TENM3: variants seen among roughly 807,000 people sequenced by gnomAD.
TENM3 encodes teneurin transmembrane protein 3, also known as teneurin-3.
A neutral mutation model predicts 255.1 loss-of-function variants in TENM3; 63 were observed. That is an observed-to-expected ratio of 0.25 (90% CI 0.20 to 0.30). The LOEUF (loss-of-function observed/expected upper bound fraction) is 0.30. Among genes scored for constraint, TENM3 ranks in the 10% least tolerant of loss-of-function variants. TENM3 has a pLI of 1.00. For synonymous variants in TENM3, 1,306 were observed against 1,322.3 expected (o/e 0.99, Z 0.27); for missense variants, 2,929 against 3,461.1 (o/e 0.85, Z 3.86).
chr4:181,668,759 A>T, the TENM3 span, among the ~76,000 whole-genome samples: 15 of 152,180 alleles, frequency 9.9e-5, no homozygotes, highest in Non-Finnish European at 2.1e-4. Context: ...GGAGTAACAC[A>T]ATCCAACCCA....
chr4:182,715,010 G>A (rs1200274027), intron 13 of TENM3, among the ~76,000 whole-genome samples: 1 of 152,066 alleles, frequency 6.6e-6, no homozygotes, highest in African/African-American at 2.4e-5. Flanking sequence ...TCAGCCTCCC[G>A]AGTAGCTGGG....
At chr4:182,228,382 G>GCATATATATA (rs1756333556) in intron 1 of TENM3, among the ~76,000 whole-genome samples, 1 of 94,434 alleles carries the variant, frequency 1.1e-5, no homozygotes, top group African/African-American at 4.4e-5. Flanking sequence ...GTGTGTGTGT[G>GCATATATATA]TGTGTGTGTG....
rs528915238 is a variant in TENM3 at position 182,669,383 on chromosome 4, C to A, written c.1112-3622C>A. On this transcript the variant is annotated intron_variant, in intron 6 of 27. Coordinates refer to ENST00000511685, the MANE Select transcript of TENM3 (RefSeq NM_001080477.4). ...CTCCCAGGTTCACGCCATTCTCCTG[C>A]CTCAGCCTCCCGAGTAGCTGGGACT... Among the ~76,000 whole-genome samples, 5 of 152,204 alleles carry A rather than the reference C, an allele frequency of 3.3e-5. No homozygotes were observed. In the East Asian group the frequency reaches 9.7e-4, roughly 30 times the overall value.
At chr4:182,130,683 G>A in the TENM3 span, among the ~76,000 whole-genome samples, 1 of 134,516 alleles carries the variant, frequency 7.4e-6, no homozygotes, top group African/African-American at 2.6e-5. Context: ...TCCTGATCCT[G>A]TATGCCGTTT....
At chr4:182,695,874 A>T (rs755477987) in intron 12 of TENM3, among the ~76,000 whole-genome samples, 7 of 152,214 alleles carry the variant, frequency 4.6e-5, no homozygotes, top group African/African-American at 7.2e-5. Flanking sequence ...TTTTAGATGA[A>T]TATTTCTCCT....
intron 6 of TENM3, among the ~76,000 whole-genome samples, chr4:182,672,438 C>T (rs1755298423): frequency 6.6e-6 from 1 of 152,140 alleles, no homozygotes. Flanking sequence ...TCCTTCCTTT[C>T]CCCTCACAAT....
intron 23 of TENM3, among the ~76,000 whole-genome samples, chr4:182,774,416 A>G (rs1764513103): frequency 6.6e-6 from 1 of 152,206 alleles, no homozygotes; most frequent in African/African-American, 2.4e-5. Flanking sequence ...AAAATATAAA[A>G]TGTCTTCCTT....
chr4:182,257,592 C>T (rs1007878304), intron 1 of TENM3, among the ~76,000 whole-genome samples: 1 of 152,138 alleles, frequency 6.6e-6, no homozygotes. Context: ...CCCAAGGATG[C>T]ATTTCTGTGG....
chr4:182,290,669 A>T (rs929444201), intron 1 of TENM3, among the ~76,000 whole-genome samples: 1 of 148,628 alleles, frequency 6.7e-6, no homozygotes, highest in Admixed American at 6.7e-5. Flanking sequence ...CGCCCAGCTA[A>T]TTTTTTTGTA....
chr4:181,544,810 G>C, the TENM3 span, among the ~76,000 whole-genome samples: 9,459 of 152,204 alleles, frequency 0.062, 317 homozygotes, highest in South Asian at 0.15. Flanking sequence ...TGATTTCTAA[G>C]ACACAAATTA....
At chr4:182,600,627 A>C (rs1159160001) in intron 3 of TENM3, among the ~76,000 whole-genome samples, 1 of 152,126 alleles carries the variant, frequency 6.6e-6, no homozygotes, top group Non-Finnish European at 1.5e-5. Context: ...TGTTTTCTGT[A>C]GGTGTTAATA....
chr4:181,675,780 C>A, the TENM3 span, among the ~76,000 whole-genome samples: 1 of 151,624 alleles, frequency 6.6e-6, no homozygotes, highest in Non-Finnish European at 1.5e-5. Flanking sequence ...TTTTTGCATG[C>A]AAAATGAGGG....
At chr4:181,950,097 G>T in the TENM3 span, among the ~76,000 whole-genome samples, 1 of 152,104 alleles carries the variant, frequency 6.6e-6, no homozygotes, top group Admixed American at 6.5e-5. Context: ...CTTAACTGAT[G>T]ACATTCCACC....
chr4:181,916,614 C>T, the TENM3 span, among the ~76,000 whole-genome samples: 1 of 152,228 alleles, frequency 6.6e-6, no homozygotes, highest in East Asian at 1.9e-4. Context: ...CATGGTGGCT[C>T]ACACCTGTAA....
Position 182,796,747 on chromosome 4 carries a change from C to T in TENM3, c.7324C>T (p.Gln2442Ter). ...ACCTTCTTACGAACTTGTGAAGAGT[C>T]AGCAGTGGGATGATATACCGGTAAG... ...TEPSYELVKS[Q>*]QWDDIPPIFG... Residue 2442 changes from glutamine to a stop codon, truncating the protein, a stop_gained, in exon 27 of 28, where the codon CAG becomes TAG. Coordinates refer to ENST00000511685, the MANE Select transcript of TENM3 (RefSeq NM_001080477.4). LOFTEE classifies it high-confidence loss of function. The T allele has an allele frequency of 6.2e-7, 1 of 1,609,408 alleles. No individual in the cohort carries two copies. The highest frequency in any genetic ancestry group is 8.5e-7 in the Non-Finnish European group (1 of 1,177,652).
chr4:181,767,901 A>G, the TENM3 span, among the ~76,000 whole-genome samples: 1 of 152,214 alleles, frequency 6.6e-6, no homozygotes, highest in African/African-American at 2.4e-5. Flanking sequence ...GAGGACATCC[A>G]TGAAAATGGT....
the TENM3 span, among the ~76,000 whole-genome samples, chr4:181,732,418 G>A: frequency 6.6e-6 from 1 of 152,110 alleles, no homozygotes; most frequent in African/African-American, 2.4e-5. Context: ...GTACAGAAAT[G>A]TGCAATGCCA....
the TENM3 span, among the ~76,000 whole-genome samples, chr4:181,852,589 A>G: frequency 1.3e-5 from 2 of 152,368 alleles, no homozygotes; most frequent in South Asian, 4.1e-4. Flanking sequence ...AGCCTTCTCT[A>G]TAAGATAAAT....
At chr4:181,510,338 A>G in the TENM3 span, among the ~76,000 whole-genome samples, 1 of 152,204 alleles carries the variant, frequency 6.6e-6, no homozygotes, top group African/African-American at 2.4e-5. Flanking sequence ...GGTCCAGACA[A>G]ACAACATACC....
Sources: allele counts gnomAD v4.1 joint callset (sites outside exome capture counted in the v4.1 genomes callset), GRCh38; gene constraint gnomAD v4.1.1; transcripts MANE v1.5; gene names NCBI Gene and HGNC (gene_info 2026-07-23, HGNC 2026-07-21).